The following PCDH9 variants were observed in gnomAD, a reference collection of about 807,000 sequenced individuals.
The protein encoded by PCDH9 is protocadherin 9.
A neutral mutation model predicts 70.6 loss-of-function variants in PCDH9; 24 were observed. The observed-to-expected ratio is 0.34, with a 90% CI of 0.25 to 0.48. The LOEUF (loss-of-function observed/expected upper bound fraction) is 0.48, where lower values mean the gene tolerates loss of function less well. Ranked by LOEUF, PCDH9 falls within the 20% of genes least tolerant of loss-of-function variation. PCDH9 has a pLI of 0.99. For synonymous variants in PCDH9, 562 were observed against 558.5 expected, an observed-to-expected ratio of 1.01 and a Z score of -0.09; for missense variants, 1,281 against 1,503.6, an observed-to-expected ratio of 0.85 and a Z score of 2.45.
In PCDH9 at chr13:66,840,569, C is replaced by T. The variant is rs909868626; in HGVS notation, c.3138+62935G>A. On this transcript the variant is annotated intron_variant, in intron 3 of 4. Coordinates refer to ENST00000377865, the MANE Select transcript of PCDH9 (RefSeq NM_203487.3). ...AACGAAGTTAAAGATAAAACATTCT[C>T]TACTAAATAACTACCAGAATTTTAT... 2.6e-5 allele frequency among the ~76,000 whole-genome samples: 4 copies of T among 152,172 alleles called. No individual in the cohort carries two copies. In the South Asian group the frequency reaches 8.3e-4, roughly 31 times the overall value.
intron 4 of PCDH9, among the ~76,000 whole-genome samples, chr13:66,555,724 G>A (rs201582902): frequency 2.2e-5 from 2 of 90,576 alleles, no homozygotes; most frequent in Non-Finnish European, 5.2e-5. Context: ...CTTATCTTCA[G>A]CATTAGCTAC....
At chr13:67,003,988 T>C (rs1312407459) in intron 2 of PCDH9, among the ~76,000 whole-genome samples, 2 of 152,140 alleles carry the variant, frequency 1.3e-5, no homozygotes, top group African/African-American at 2.4e-5. Context: ...CTCTGATAAA[T>C]CTTCTCTATA....
At chr13:66,840,749 T>C (rs1301463088) in intron 3 of PCDH9, among the ~76,000 whole-genome samples, 1 of 152,210 alleles carries the variant, frequency 6.6e-6, no homozygotes, top group African/African-American at 2.4e-5. Flanking sequence ...ATCTGTTGCA[T>C]GACAAACATA....
At chr13:66,682,212 T>C (rs755537278) in intron 3 of PCDH9, among the ~76,000 whole-genome samples, 1 of 152,034 alleles carries the variant, frequency 6.6e-6, no homozygotes, top group Non-Finnish European at 1.5e-5. Flanking sequence ...AGACCTCATA[T>C]GTACTGCATA....
intron 4 of PCDH9, among the ~76,000 whole-genome samples, chr13:66,619,109 G>T (rs756728849): frequency 1.6e-4 from 24 of 152,048 alleles, no homozygotes; most frequent in Admixed American, 5.2e-4. Context: ...CTATGTCCTT[G>T]CTTGTTTTAT....
intron 4 of PCDH9, among the ~76,000 whole-genome samples, chr13:66,314,149 T>A (rs1462648525): frequency 1.3e-5 from 2 of 152,208 alleles, no homozygotes. Context: ...TTTCTAACAG[T>A]TCCTTAAGTG....
At chr13:67,127,116 G>A (rs541740816) in intron 2 of PCDH9, among the ~76,000 whole-genome samples, 1 of 152,194 alleles carries the variant, frequency 6.6e-6, no homozygotes, top group African/African-American at 2.4e-5. Context: ...ATTATACAAA[G>A]ATTTTCCTTA....
chr13:66,821,738 T>C (rs1262143827), intron 3 of PCDH9, among the ~76,000 whole-genome samples: 1 of 152,202 alleles, frequency 6.6e-6, no homozygotes. Context: ...ATCATTATTC[T>C]TATGCAAGGA....
chr13:66,305,817 AG>A (rs1200142823), intron 4 of PCDH9, among the ~76,000 whole-genome samples: 1 of 152,108 alleles, frequency 6.6e-6, no homozygotes, highest in Non-Finnish European at 1.5e-5. Flanking sequence ...TCTAACATTC[AG>A]GGGGAAGAAA....
chr13:66,799,317 C>G (rs893942825), intron 3 of PCDH9, among the ~76,000 whole-genome samples: 2 of 152,108 alleles, frequency 1.3e-5, no homozygotes, highest in Non-Finnish European at 2.9e-5. Flanking sequence ...AAGCAGTCAG[C>G]CTGTTGTGGG....
chr13:66,589,459 C>T (rs886935377), intron 4 of PCDH9, among the ~76,000 whole-genome samples: 3 of 151,938 alleles, frequency 2.0e-5, no homozygotes, highest in African/African-American at 7.2e-5. Context: ...GCCCTGTACT[C>T]AGTAAATATA....
intron 2 of PCDH9, among the ~76,000 whole-genome samples, chr13:66,947,183 T>C (rs1336064491): frequency 6.6e-6 from 1 of 152,122 alleles, no homozygotes; most frequent in Non-Finnish European, 1.5e-5. Context: ...TTCTTTGAAA[T>C]TTTTCATTCT....
At chr13:67,171,410 C>T (rs1010773802) in intron 2 of PCDH9, among the ~76,000 whole-genome samples, 1 of 152,104 alleles carries the variant, frequency 6.6e-6, no homozygotes, top group Non-Finnish European at 1.5e-5. Flanking sequence ...CAATCATTAA[C>T]CCTCACTCTC....
chr13:66,421,869 G>A (rs1372677825), intron 4 of PCDH9, among the ~76,000 whole-genome samples: 1 of 152,144 alleles, frequency 6.6e-6, no homozygotes, highest in East Asian at 1.9e-4. Flanking sequence ...CTGGCAAATT[G>A]GATAAAGAGT....
At chr13:66,593,698 G>A (rs900336788) in intron 4 of PCDH9, among the ~76,000 whole-genome samples, 6 of 151,578 alleles carry the variant, frequency 4.0e-5, no homozygotes, top group Non-Finnish European at 8.9e-5. Flanking sequence ...CATTCTTTTT[G>A]AAGCAGGAAG....
At chr13:66,449,908 G>A (rs1266653568) in intron 4 of PCDH9, among the ~76,000 whole-genome samples, 1 of 151,948 alleles carries the variant, frequency 6.6e-6, no homozygotes, top group African/African-American at 2.4e-5. Flanking sequence ...ACCTTTTAAT[G>A]CCTAGATCAA....
intron 3 of PCDH9, among the ~76,000 whole-genome samples, chr13:66,901,729 AG>A (rs1322513405): frequency 1.3e-5 from 2 of 151,596 alleles, no homozygotes; most frequent in Non-Finnish European, 3.0e-5. Flanking sequence ...AAAATATCTA[AG>A]GGAGAAAAAA....
intron 2 of PCDH9, 88 bp from the exon 3 acceptor site, chr13:66,903,693 A>G: frequency 1.7e-6 from 1 of 578,760 alleles, no homozygotes; most frequent in Non-Finnish European, 3.2e-6. Context: ...TGAGCCTAAT[A>G]AAGGAATACC....
intron 3 of PCDH9, among the ~76,000 whole-genome samples, chr13:66,779,881 G>A (rs1453441355): frequency 1.2e-4 from 16 of 135,678 alleles, no homozygotes; most frequent in Non-Finnish European, 2.2e-4. Flanking sequence ...ATATGTGTGT[G>A]TGTGTGTGTG....
Sources: allele counts gnomAD v4.1 joint callset (sites outside exome capture counted in the v4.1 genomes callset), GRCh38; gene constraint gnomAD v4.1.1; transcripts MANE v1.5; gene names NCBI Gene and HGNC (gene_info 2026-07-23, HGNC 2026-07-21).